CHD6: variants seen among roughly 807,000 people sequenced by gnomAD.
The protein encoded by CHD6 is chromodomain helicase DNA binding protein 6, also known as ATP-dependent chromatin remodeler CHD6.
In CHD6, 50 loss-of-function variants were observed where a neutral mutation model predicts 276.9. The ratio of observed to expected loss-of-function variants is 0.18; its 90% CI spans 0.14 to 0.23. The LOEUF (loss-of-function observed/expected upper bound fraction) is 0.23, where lower values mean the gene tolerates loss of function less well. Among genes scored for constraint, CHD6 ranks in the 10% least tolerant of loss-of-function variants. The pLI, the probability that CHD6 is intolerant of heterozygous loss-of-function variation, is 1.00. For synonymous variants in CHD6, 1,173 were observed against 1,229.3 expected (o/e 0.95, Z 0.96); for missense variants, 2,564 against 3,365.8 (o/e 0.76, Z 5.89).
rs2046971744 is a variant in CHD6, at chr20:41,415,601, T to G, written c.6524A>C (p.Gln2175Pro). The change falls in exon 34 of 37, where the codon CAA becomes CCA. Residue 2175 changes from glutamine (Q) to proline (P), a missense_variant. By Grantham distance (76) the Gln-to-Pro change is moderately conservative. This residue lies in a region of CHD6 where 1,024 missense variants were observed against 1,047.9 expected (regional missense o/e 0.98). Transcript: ENST00000373233. ...FLAPVFTKDE[Q>P]KHRRPYEFEV... Reference sequence around the variant, plus strand: ...AAACTCATAGGGACGCCTGTGCTTTTGTTCATCCTTTGTGAATACTGGAGC... The same window carrying G: ...AAACTCATAGGGACGCCTGTGCTTTGGTTCATCCTTTGTGAATACTGGAGC... The G allele has an allele frequency of 6.2e-7, 1 of 1,608,682 alleles. No individual in the cohort carries two copies. Among genetic ancestry groups the G allele is most frequent in the African/African-American group, 1.3e-5 (1 of 74,756 alleles).
intron 1 of CHD6, among the ~76,000 whole-genome samples, chr20:41,572,050 T>A (rs2045423115): frequency 6.6e-6 from 1 of 152,218 alleles, no homozygotes; most frequent in African/African-American, 2.4e-5. Context: ...TAGCTATTAT[T>A]TAGTCAATAC....
At chr20:41,468,647 T>G (rs568712906) in intron 17 of CHD6, among the ~76,000 whole-genome samples, 1 of 152,238 alleles carries the variant, frequency 6.6e-6, no homozygotes, top group Admixed American at 6.5e-5. Flanking sequence ...CATTTACAAA[T>G]TATTACTTTC....
rs533768584 is a variant in CHD6, at chr20:41,610,500, G to A, written c.-24+7840C>T. Reference sequence around the variant, plus strand: ...TGATAGGCCGGGTGCGGTAGCTCACGCCCGTAATCCCAGCACTTTGAGAGG... The same window carrying A: ...TGATAGGCCGGGTGCGGTAGCTCACACCCGTAATCCCAGCACTTTGAGAGG... On this transcript the variant is annotated intron_variant, in intron 1 of 36. Transcript: ENST00000373233. Among the ~76,000 whole-genome samples, 45 of 152,212 alleles carry A rather than the reference G, an allele frequency of 3.0e-4. 2 individuals carry two copies. In the South Asian group the frequency reaches 8.7e-3, roughly 29 times the overall value.
chr20:41,550,617 A>G lies in CHD6; in HGVS notation c.33+688T>C, dbSNP rs190055975. ...GAAAAGCAGGGATTTAGATACCCCAATTCCCAGGCTGTCAATCAATTCTGT... is the reference window on the plus strand; with the variant it reads ...GAAAAGCAGGGATTTAGATACCCCAGTTCCCAGGCTGTCAATCAATTCTGT... On this transcript the variant is annotated intron_variant, in intron 2 of 36. Transcript: ENST00000373233. Among the ~76,000 whole-genome samples the G allele has an allele frequency of 2.0e-5, 3 of 152,308 alleles. No individual in the cohort carries two copies. In the East Asian group the frequency reaches 5.8e-4, roughly 29 times the overall value.
At chr20:41,607,159 T>C (rs2045838300) in intron 1 of CHD6, among the ~76,000 whole-genome samples, 1 of 152,122 alleles carries the variant, frequency 6.6e-6, no homozygotes, top group South Asian at 2.1e-4. Context: ...AGCAACACAT[T>C]TCTTATGCAT....
intron 2 of CHD6, among the ~76,000 whole-genome samples, chr20:41,546,362 C>G (rs2045042706): frequency 6.6e-6 from 1 of 152,144 alleles, no homozygotes; most frequent in African/African-American, 2.4e-5. Flanking sequence ...CGTAGTTACT[C>G]AAGTCAGCTC....
At chr20:41,454,536 G>T (rs532868068) in intron 20 of CHD6, 90 bp downstream of exon 20, 1 of 967,706 alleles carries the variant, frequency 1.0e-6, no homozygotes, top group African/African-American at 1.6e-5. Context: ...CAAGACTCAA[G>T]AGTAAATAAT....
chr20:41,426,439 T>C (rs770387785), intron 27 of CHD6, among the ~76,000 whole-genome samples: 5 of 152,250 alleles, frequency 3.3e-5, no homozygotes, highest in Admixed American at 6.5e-5. Context: ...ACGCTCTCTC[T>C]GGCAATTACA....
At chr20:41,549,919 C>T (rs563880481) in intron 2 of CHD6, among the ~76,000 whole-genome samples, 1 of 152,350 alleles carries the variant, frequency 6.6e-6, no homozygotes, top group African/African-American at 2.4e-5. Context: ...CTGCCTCAGC[C>T]TCCTGAGTAG....
Position 41,451,771 on chromosome 20 carries a change from G to A in CHD6, c.3523+55C>T. ...AGCAATACGGCCCCGCAGAGGAAGA[G>A]GGGATGAAGTGCATGGGAATCGTGC... On this transcript the variant is annotated intron_variant, in intron 22 of 36. Transcript: ENST00000373233. The A allele has an allele frequency of 8.1e-6, 12 of 1,480,310 alleles. 1 individual carries two copies. In the South Asian group the frequency reaches 1.1e-4, roughly 14 times the overall value. 91.7% of individuals were successfully genotyped at this position (1,480,310 alleles called of 1,614,324 possible). A position where few individuals can be genotyped will look rare whatever the true frequency, so the allele number is the denominator to read the frequency against.
chr20:41,491,712 A>G lies in CHD6; in HGVS notation c.1422T>C (p.Phe474=), dbSNP rs1476117952. 13 of 1,613,794 alleles carry G rather than the reference A, an allele frequency of 8.1e-6. No homozygotes were observed. Among genetic ancestry groups the G allele is most frequent in the Non-Finnish European group, 1.1e-5 (13 of 1,179,786 alleles). ...TGGTTCCTTACCTGTTATACCAGTT[A>G]AAAAGAAGCCAGTTCATCCCTTCCA... ...YQLEGMNWLL[F]NWYNRKNCIL... is the part of the protein sequence containing the mutation. Residue 474 remains phenylalanine (F), a synonymous_variant, in exon 11 of 37, where the codon TTT becomes TTC. Transcript: ENST00000373233.
Position 41,423,473 on chromosome 20 carries a change from A to C in CHD6, c.4555+19T>G, listed in dbSNP as rs1264962612. The C allele has an allele frequency of 6.2e-7, 1 of 1,606,136 alleles. No homozygotes were observed. The highest frequency in any genetic ancestry group is 1.3e-5 in the African/African-American group (1 of 74,796). ...TTCTTTCCTTGTATCATCTGACAAT[A>C]TACTGATAGTTTTCTCACCGCCATC... On this transcript the variant is annotated intron_variant, in intron 30 of 36. Transcript: ENST00000373233.
intron 16 of CHD6, among the ~76,000 whole-genome samples, chr20:41,475,914 C>T (rs1220517005): frequency 2.6e-5 from 4 of 152,164 alleles, no homozygotes; most frequent in Non-Finnish European, 5.9e-5. Context: ...AATGTAACAA[C>T]ACTTTTAGAA....
At chr20:41,536,569 AT>A (rs2146090115) in intron 2 of CHD6, among the ~76,000 whole-genome samples, 1 of 152,350 alleles carries the variant, frequency 6.6e-6, no homozygotes, top group South Asian at 2.1e-4. Context: ...AATTAAGAAA[AT>A]CATCCAGAAT....
chr20:41,495,119 T>G (rs781274679), intron 8 of CHD6, among the ~76,000 whole-genome samples: 3 of 152,128 alleles, frequency 2.0e-5, no homozygotes, highest in Non-Finnish European at 2.9e-5. Flanking sequence ...AGCTAATACT[T>G]ATGGAGTAGT....
rs191622805 is a variant in CHD6 at position 41,610,109 on chromosome 20, A to C, written c.-24+8231T>G. On this transcript the variant is annotated intron_variant, in intron 1 of 36. Coordinates refer to ENST00000373233, the MANE Select transcript of CHD6 (RefSeq NM_032221.5). ...TGACATCAAGTGATCTGCCCACCTCACCTCCCAAAGTGTTGGGATTACAGG... is the reference window on the plus strand; with the variant it reads ...TGACATCAAGTGATCTGCCCACCTCCCCTCCCAAAGTGTTGGGATTACAGG... Among the ~76,000 whole-genome samples, 697 of 151,372 alleles carry C rather than the reference A, an allele frequency of 4.6e-3. 6 individuals are homozygous for C. Among genetic ancestry groups the C allele is most frequent in the South Asian group, 9.4e-3 (45 of 4,772 alleles).
intron 1 of CHD6, among the ~76,000 whole-genome samples, chr20:41,586,852 A>C (rs1197389825): frequency 2.6e-5 from 4 of 152,254 alleles, no homozygotes; most frequent in South Asian, 2.1e-4. Context: ...AGGCATTGAC[A>C]AAAAACGTAT....
chr20:41,601,292 G>A (rs1173350723), intron 1 of CHD6, among the ~76,000 whole-genome samples: 1 of 152,162 alleles, frequency 6.6e-6, no homozygotes, highest in African/African-American at 2.4e-5. Flanking sequence ...GGGCTCTTTA[G>A]AAGCATGAAA....
rs1161990285 is a variant in CHD6, at chr20:41,497,456, C to G, written c.1020G>C (p.Lys340Asn). The G allele has an allele frequency of 6.2e-7, 1 of 1,613,882 alleles. No individual in the cohort carries two copies. The highest frequency in any genetic ancestry group is 1.1e-5 in the South Asian group (1 of 91,080). ...TGATCTTCTGTGCGATGCGAGGATC[C>G]TTTTCGAGCTCTTCCATTGTGGCCC... ...CKWATMEELE[K>N]DPRIAQKIKR... The change falls in exon 8 of 37, where the codon AAG becomes AAC. Residue 340 changes from lysine to asparagine, a missense_variant. Physicochemically the swap from Lys to Asn is moderately conservative, Grantham distance 94. Coordinates refer to ENST00000373233, the MANE Select transcript of CHD6 (RefSeq NM_032221.5).
Sources: allele counts gnomAD v4.1 joint callset (sites outside exome capture counted in the v4.1 genomes callset), GRCh38; gene constraint gnomAD v4.1.1; regional missense constraint gnomAD v4.1.1; transcripts MANE v1.5; gene names NCBI Gene and HGNC (gene_info 2026-07-23, HGNC 2026-07-21).